FOXP1: variants seen among roughly 807,000 people sequenced by gnomAD.
FOXP1 encodes the protein forkhead box P1, also known as forkhead box protein P1.
In FOXP1, 15 loss-of-function variants were observed where a neutral mutation model predicts 98.2. The observed-to-expected ratio is 0.15, with a 90% CI of 0.10 to 0.24. The LOEUF is 0.24. Ranked by LOEUF, FOXP1 falls within the 10% of genes least tolerant of loss-of-function variation. The pLI is 1.00. For synonymous variants in FOXP1, 371 were observed against 314.5 expected, an observed-to-expected ratio of 1.18 and a Z score of -1.90; for missense variants, 633 against 848.5, an observed-to-expected ratio of 0.75 and a Z score of 3.15.
intron 2 of FOXP1, chr3:71,542,168 A>G (rs2044892133): frequency 2.4e-6 from 1 of 411,338 alleles, no homozygotes; most frequent in Admixed American, 3.6e-5. Context: ...CTGTGAAAAA[A>G]ACAACACCCT....
intron 5 of FOXP1, among the ~76,000 whole-genome samples, chr3:71,274,752 G>A (rs1425854134): frequency 1.3e-5 from 2 of 152,094 alleles, no homozygotes; most frequent in African/African-American, 2.4e-5. Context: ...GTAGATCTGG[G>A]CAAAATCAAC....
chr3:71,036,668 T>C (rs2047638472), intron 11 of FOXP1, among the ~76,000 whole-genome samples: 1 of 152,232 alleles, frequency 6.6e-6, no homozygotes, highest in Non-Finnish European at 1.5e-5. Context: ...ATTTTGGATC[T>C]GCCTGTGTGT....
intron 2 of FOXP1, among the ~76,000 whole-genome samples, chr3:71,502,415 T>C (rs1327730136): frequency 6.6e-6 from 1 of 152,228 alleles, no homozygotes; most frequent in Non-Finnish European, 1.5e-5. Flanking sequence ...AAGTATTTTG[T>C]TTTGAGTCTT....
At chr3:71,368,714 A>C (rs2079087262) in intron 3 of FOXP1, among the ~76,000 whole-genome samples, 1 of 152,172 alleles carries the variant, frequency 6.6e-6, no homozygotes, top group South Asian at 2.1e-4. Context: ...GCATTTATAC[A>C]AGTCAGGCCC....
At chr3:71,176,715 G>A (rs1020881142) in intron 6 of FOXP1, among the ~76,000 whole-genome samples, 4 of 123,292 alleles carry the variant, frequency 3.2e-5, no homozygotes, top group Non-Finnish European at 6.3e-5. Context: ...TACTACTCCA[G>A]CCAGGGCAAC....
At chr3:71,163,572 T>C (rs1576136626) in intron 6 of FOXP1, among the ~76,000 whole-genome samples, 1 of 152,108 alleles carries the variant, frequency 6.6e-6, no homozygotes, top group African/African-American at 2.4e-5. Flanking sequence ...ATCAAGGAAT[T>C]TGGCTAATTA....
At chr3:71,567,822 G>C (rs780266059) in intron 2 of FOXP1, 7 of 151,948 alleles carry the variant, frequency 4.6e-5, no homozygotes, top group Non-Finnish European at 1.0e-4. Flanking sequence ...GCTGCCTTCA[G>C]GTTGTAGGCC....
At chr3:71,476,702 C>A (rs2089878709) in intron 3 of FOXP1, among the ~76,000 whole-genome samples, 1 of 148,688 alleles carries the variant, frequency 6.7e-6, no homozygotes, top group African/African-American at 2.5e-5. Flanking sequence ...TGGGGTTTCA[C>A]CTTGTTGGCC....
intron 4 of FOXP1, among the ~76,000 whole-genome samples, chr3:71,349,953 T>C (rs1180059615): frequency 6.6e-6 from 1 of 152,208 alleles, no homozygotes; most frequent in Non-Finnish European, 1.5e-5. Context: ...ACAAATAATA[T>C]CCGATCCTTT....
At chr3:71,359,862 G>A (rs186728530) in intron 3 of FOXP1, among the ~76,000 whole-genome samples, 73 of 152,072 alleles carry the variant, frequency 4.8e-4, no homozygotes, top group African/African-American at 1.3e-3. Flanking sequence ...GCATGATCTC[G>A]GCTCACTGCA....
At chr3:71,132,235 G>A (rs990932926) in intron 6 of FOXP1, among the ~76,000 whole-genome samples, 1 of 152,164 alleles carries the variant, frequency 6.6e-6, no homozygotes, top group Non-Finnish European at 1.5e-5. Flanking sequence ...TAAGTAGTTC[G>A]AGATGGGGCT....
chr3:71,046,898 CAA>C (rs1182141260), intron 10 of FOXP1, 42 bp downstream of exon 10: 2 of 1,611,552 alleles, frequency 1.2e-6, no homozygotes, highest in Admixed American at 1.7e-5. Context: ...CACCTCCACC[CAA>C]AGTCTTCACA....
intron 5 of FOXP1, among the ~76,000 whole-genome samples, chr3:71,214,709 T>C (rs1035722864): frequency 3.3e-5 from 5 of 151,966 alleles, no homozygotes; most frequent in African/African-American, 7.3e-5. Context: ...TCATCAAAGA[T>C]CACAGCCATT....
At chr3:70,978,937 A>AAGTT (rs569687608) in intron 14 of FOXP1, among the ~76,000 whole-genome samples, 47 of 152,204 alleles carry the variant, frequency 3.1e-4, no homozygotes, top group Non-Finnish European at 4.9e-4. Flanking sequence ...AATCTGCTTC[A>AAGTT]AGTTAGGAAA....
intron 5 of FOXP1, among the ~76,000 whole-genome samples, chr3:71,268,429 G>T (rs1349373082): frequency 6.6e-6 from 1 of 150,676 alleles, no homozygotes; most frequent in Non-Finnish European, 1.5e-5. Context: ...TGGGAAAGTT[G>T]GGGGGGTAGT....
chr3:71,139,634 T>C (rs1369417155), intron 6 of FOXP1, among the ~76,000 whole-genome samples: 1 of 152,208 alleles, frequency 6.6e-6, no homozygotes, highest in Non-Finnish European at 1.5e-5. Flanking sequence ...CAAGCCCCAC[T>C]GACTTCTGTT....
chr3:71,582,988 A>G (rs2107911339), intron 1 of FOXP1, among the ~76,000 whole-genome samples: 2 of 152,106 alleles, frequency 1.3e-5, no homozygotes, highest in African/African-American at 2.4e-5. Context: ...AAAGAAGGGG[A>G]AAAGTTTGCT....
intron 2 of FOXP1, among the ~76,000 whole-genome samples, chr3:71,544,728 CA>C (rs1421506200): frequency 1.3e-5 from 2 of 152,094 alleles, no homozygotes; most frequent in Non-Finnish European, 2.9e-5. Context: ...ACAAAGGAGA[CA>C]AGACCAAATC....
intron 7 of FOXP1, among the ~76,000 whole-genome samples, chr3:71,107,749 C>A (rs2057558737): frequency 1.3e-5 from 2 of 152,188 alleles, no homozygotes; most frequent in African/African-American, 4.8e-5. Flanking sequence ...TACAGGTTTC[C>A]TCTTGCCAAT....
Sources: allele counts gnomAD v4.1 joint callset (sites outside exome capture counted in the v4.1 genomes callset), GRCh38; gene constraint gnomAD v4.1.1; transcripts MANE v1.5; gene names NCBI Gene and HGNC (gene_info 2026-07-23, HGNC 2026-07-21).